SCUBE3: variants seen among roughly 807,000 people sequenced by gnomAD.
SCUBE3 encodes signal peptide, CUB domain and EGF like domain containing 3, also known as signal peptide, CUB and EGF-like domain-containing protein 3.
A neutral mutation model predicts 116.8 loss-of-function variants in SCUBE3; 33 were observed. The observed-to-expected ratio is 0.28, with a 90% CI of 0.21 to 0.38. The LOEUF is 0.38. Among genes scored for constraint, SCUBE3 ranks in the 10% least tolerant of loss-of-function variants. The pLI, the probability that SCUBE3 is intolerant of heterozygous loss-of-function variation, is 1.00. For missense variants in SCUBE3, 1,007 were observed against 1,324.8 expected, an observed-to-expected ratio of 0.76 and a Z score of 3.72; for synonymous variants, 418 against 496.9, an observed-to-expected ratio of 0.84 and a Z score of 2.11.
At position 35,240,017 on chromosome 6, in the gene SCUBE3, A is replaced by G. The variant is rs2150308548; in HGVS notation, c.952+143A>G. On this transcript the variant is annotated intron_variant, in intron 8 of 21. Coordinates refer to ENST00000274938, the MANE Select transcript of SCUBE3 (RefSeq NM_152753.4). The surrounding 1 kb of genome is among the most constrained non-coding windows in gnomAD (Gnocchi z 4.6). ...GCAGTGTCATCCTGCAAATTAGCAA[A>G]TGGTACTCTTTCCCCTCAGCGGACT... is the stretch of plus-strand genomic sequence containing the variant. The G allele has an allele frequency of 1.4e-6, 1 of 697,158 alleles. No individual in the cohort carries two copies. Among genetic ancestry groups the G allele is most frequent in the Non-Finnish European group, 2.3e-6 (1 of 441,646 alleles). 43.2% of individuals were successfully genotyped at this position (697,158 alleles called of 1,614,324 possible). A position where few individuals can be genotyped will look rare whatever the true frequency, so the allele number is the denominator to read the frequency against.
At chr6:35,229,576 G>A (rs905980040) in intron 3 of SCUBE3, among the ~76,000 whole-genome samples, 2 of 152,132 alleles carry the variant, frequency 1.3e-5, no homozygotes, top group African/African-American at 4.8e-5. Context: ...GCCCCAGGAA[G>A]CCTCTGACCC....
rs984507010 is a variant in SCUBE3, at chr6:35,250,262, A to G, written c.*1557A>G. 6.6e-6 allele frequency: 1 copy of G among 152,288 alleles called. No homozygotes were observed. Among genetic ancestry groups the G allele is most frequent in the Non-Finnish European group, 1.5e-5 (1 of 68,054 alleles). 9.4% of individuals were successfully genotyped at this position (152,288 alleles called of 1,614,324 possible). On this transcript the variant is annotated 3_prime_UTR_variant, in exon 22 of 22. Coordinates refer to ENST00000274938, the MANE Select transcript of SCUBE3 (RefSeq NM_152753.4). ...TGGAGTCAGTGTGGACCTCATGATTATAGAGGCCAATGGAACTGGTCAGTG... is the reference window on the plus strand; with the variant it reads ...TGGAGTCAGTGTGGACCTCATGATTGTAGAGGCCAATGGAACTGGTCAGTG...
At position 35,250,541 on chromosome 6, in the gene SCUBE3, A is replaced by G. The variant is rs1233461974; in HGVS notation, c.*1836A>G. 6.6e-6 allele frequency: 1 copy of G among 152,224 alleles called. No individual in the cohort carries two copies. The highest frequency in any genetic ancestry group is 1.5e-5 in the Non-Finnish European group (1 of 68,050). The allele number at this position is 152,224 out of a possible 1,614,324, so 9.4% of individuals were successfully genotyped here. A position where few individuals can be genotyped will look rare whatever the true frequency, so the allele number is the denominator to read the frequency against. ...AACTACTGTTTTTCAGAAGGAAGAA[A>G]GAATCAAATGGAAGAAGAATCAAGT... On this transcript the variant is annotated 3_prime_UTR_variant, in exon 22 of 22. Transcript: ENST00000274938.
chr6:35,250,243 C>T lies in SCUBE3; in HGVS notation c.*1538C>T, dbSNP rs1489053951. The T allele has an allele frequency of 1.3e-5, 2 of 152,294 alleles. No individual in the cohort carries two copies. The highest frequency in any genetic ancestry group is 4.8e-5 in the African/African-American group (2 of 41,426). 9.4% of individuals were successfully genotyped at this position (152,294 alleles called of 1,614,324 possible). ...CTATCCCTATGCCTCTCCATGGAGT[C>T]AGTGTGGACCTCATGATTATAGAGG... On this transcript the variant is annotated 3_prime_UTR_variant, in exon 22 of 22. Coordinates refer to ENST00000274938, the MANE Select transcript of SCUBE3 (RefSeq NM_152753.4).
intron 21 of SCUBE3, 33 bp from the exon 22 acceptor site, chr6:35,248,523 G>A: frequency 6.2e-7 from 1 of 1,611,838 alleles, no homozygotes; most frequent in East Asian, 2.2e-5. Flanking sequence ...CCCCGACGGT[G>A]AGGCTGACAT....
chr6:35,226,626 G>A (rs1407948977), intron 1 of SCUBE3, among the ~76,000 whole-genome samples: 1 of 151,722 alleles, frequency 6.6e-6, no homozygotes, highest in South Asian at 2.1e-4. Context: ...GGGATTACAG[G>A]CACACATCAC....
intron 1 of SCUBE3, chr6:35,221,422 G>A (rs768050382): frequency 3.3e-5 from 5 of 152,218 alleles, no homozygotes; most frequent in African/African-American, 9.6e-5. Context: ...GTGGGATCAC[G>A]GAGAGTAAAG....
rs1486348132 is a variant in SCUBE3, at chr6:35,232,324, T to G, written c.469+465T>G. ...GCAGGGACTATGTCTAACTCATTGT[T>G]GTATCCCCAGCACCTAACATACTGC... On this transcript the variant is annotated intron_variant, in intron 4 of 21. Transcript: ENST00000274938. This position sits in a 1 kb window ranked among gnomAD's most constrained non-coding sequence, Gnocchi z 4.2. 6.6e-6 allele frequency among the ~76,000 whole-genome samples: 1 copy of G among 152,218 alleles called. No individual in the cohort carries two copies. Among genetic ancestry groups the G allele is most frequent in the East Asian group, 1.9e-4 (1 of 5,198 alleles).
In SCUBE3 at chr6:35,233,082, G is replaced by GT; in HGVS notation, c.596-102dup. 1 of 1,511,534 alleles carries GT rather than the reference G, an allele frequency of 6.6e-7. No individual in the cohort carries two copies. The highest frequency in any genetic ancestry group is 9.1e-7 in the Non-Finnish European group (1 of 1,095,014). 93.6% of individuals were successfully genotyped at this position (1,511,534 alleles called of 1,614,324 possible). ...AGGACAGGGCTGGGAGGAAAAGGGA[G>GT]TATGGGGGAGGCAACTAGGCAAGGG... On this transcript the variant is annotated intron_variant, in intron 5 of 21. Transcript: ENST00000274938. The surrounding 1 kb of genome is among the most constrained non-coding windows in gnomAD (Gnocchi z 5.7).
At position 35,249,666 on chromosome 6, in the gene SCUBE3, TAAAC is replaced by T. The variant is rs1374218560; in HGVS notation, c.*963_*966del. ...TACTCCCCTTGCTACATGTTGTCCTTAAACATGGTTATTGACCTGAAGCCAGCCT... is the reference window on the plus strand; with the variant it reads ...TACTCCCCTTGCTACATGTTGTCCTTATGGTTATTGACCTGAAGCCAGCCT... On this transcript the variant is annotated 3_prime_UTR_variant, in exon 22 of 22. Coordinates refer to ENST00000274938, the MANE Select transcript of SCUBE3 (RefSeq NM_152753.4). 6.6e-6 allele frequency: 1 copy of T among 152,632 alleles called. No homozygotes were observed. Among genetic ancestry groups the T allele is most frequent in the Non-Finnish European group, 1.5e-5 (1 of 68,062 alleles). 9.5% of individuals were successfully genotyped at this position (152,632 alleles called of 1,614,324 possible).
At position 35,227,565 on chromosome 6, in the gene SCUBE3, C is replaced by G; in HGVS notation, c.86-15C>G. 6.2e-7 allele frequency: 1 copy of G among 1,614,128 alleles called. No homozygotes were observed. The highest frequency in any genetic ancestry group is 8.5e-7 in the Non-Finnish European group (1 of 1,179,992). ...GCCAACAGAGGTTCTCATGTGCCCC[C>G]TCTGCCCCTGCCAGATGTGGATGAG... On this transcript the variant is annotated splice_polypyrimidine_tract_variant and intron_variant, in intron 1 of 21. Transcript: ENST00000274938.
In SCUBE3 at chr6:35,228,813, C is replaced by T; in HGVS notation, c.334+74C>T. On this transcript the variant is annotated intron_variant, in intron 3 of 21. Coordinates refer to ENST00000274938, the MANE Select transcript of SCUBE3 (RefSeq NM_152753.4). This position sits in a 1 kb window ranked among gnomAD's most constrained non-coding sequence, Gnocchi z 4.9. The stretch of plus-strand genomic sequence containing the variant: ...AGATCTTTTCAGCATTTCCTATTTC[C>T]CAGGGAAGGAGGAGAGAGTGATCAA... 1 of 1,496,550 alleles carries T rather than the reference C, an allele frequency of 6.7e-7. No homozygotes were observed. Among genetic ancestry groups the T allele is most frequent in the South Asian group, 1.2e-5 (1 of 86,740 alleles). 92.7% of individuals were successfully genotyped at this position (1,496,550 alleles called of 1,614,324 possible).
Position 35,244,213 on chromosome 6 carries a change from T to G in SCUBE3, c.2239+83T>G, listed in dbSNP as rs58925593. ...CTCTCCAATTTCCCAGAGGGGACAC[T>G]GACCCACCATTTTCTCCAAACCAGT... is the stretch of plus-strand genomic sequence containing the variant. On this transcript the variant is annotated intron_variant, in intron 17 of 21. Transcript: ENST00000274938. This position sits in a 1 kb window ranked among gnomAD's most constrained non-coding sequence, Gnocchi z 4.3. 0.036 allele frequency: 44,723 copies of G among 1,240,074 alleles called. 2,918 individuals are homozygous for G. Among genetic ancestry groups the G allele is most frequent in the East Asian group, 0.32 (12,669 of 39,616 alleles). 76.8% of individuals were successfully genotyped at this position (1,240,074 alleles called of 1,614,324 possible).
Position 35,244,795 on chromosome 6 carries a change from T to C in SCUBE3, c.2385T>C (p.Ser795=), listed in dbSNP as rs147085138. 3.9e-5 allele frequency: 63 copies of C among 1,614,120 alleles called. No homozygotes were observed. The highest frequency in any genetic ancestry group is 3.9e-4 in the African/African-American group (29 of 75,010). The part of the protein sequence containing the change: ...NTSTDFDGST[S]VAQCKNRQCG... ...GCACAGACTTTGATGGCTCTACCAG[T>C]GTGGCCCAATGCAAGAGTACGTGGC... is the stretch of plus-strand genomic sequence containing the variant. The change falls in exon 18 of 22, where the codon AGT becomes AGC. Residue 795 remains serine (S), a synonymous_variant. Transcript: ENST00000274938. The surrounding 1 kb of genome is among the most constrained non-coding windows in gnomAD (Gnocchi z 4.3).
rs1454201929 is a variant in SCUBE3, at chr6:35,250,723, T to A, written c.*2018T>A. The A allele has an allele frequency of 1.3e-5, 1 of 74,416 alleles. No individual in the cohort carries two copies. Among genetic ancestry groups the A allele is most frequent in the African/African-American group, 2.8e-5 (1 of 35,288 alleles). The allele number at this position is 74,416 out of a possible 1,614,324, so 4.6% of individuals were successfully genotyped here. ...CCTCAGGTTCATTTCTTTTTTTTTTTTTTTTCTTTTTAACTCTCCTGGTAA... is the reference window on the plus strand; with the variant it reads ...CCTCAGGTTCATTTCTTTTTTTTTTATTTTTCTTTTTAACTCTCCTGGTAA... On this transcript the variant is annotated 3_prime_UTR_variant, in exon 22 of 22. Coordinates refer to ENST00000274938, the MANE Select transcript of SCUBE3 (RefSeq NM_152753.4).
At chr6:35,237,196 A>G (rs1227522757) in intron 6 of SCUBE3, among the ~76,000 whole-genome samples, 1 of 152,044 alleles carries the variant, frequency 6.6e-6, no homozygotes, top group Non-Finnish European at 1.5e-5. Flanking sequence ...CCTATACAAC[A>G]TCTCCCCATT....
At chr6:35,224,652 A>C (rs1783253617) in intron 1 of SCUBE3, 1 of 152,116 alleles carries the variant, frequency 6.6e-6, no homozygotes, top group Non-Finnish European at 1.5e-5. Context: ...AAAAAAAAAA[A>C]AAAAGAATCT....
At position 35,239,822 on chromosome 6, in the gene SCUBE3, A is replaced by C; in HGVS notation, c.900A>C (p.Glu300Asp). 1 of 1,611,190 alleles carries C rather than the reference A, an allele frequency of 6.2e-7. No homozygotes were observed. The highest frequency in any genetic ancestry group is 1.1e-5 in the South Asian group (1 of 90,456). The change falls in exon 8 of 22, where the codon GAA becomes GAC. Residue 300 changes from glutamate to aspartate, a missense_variant. By Grantham distance (45) the Glu-to-Asp change is conservative (BLOSUM62 2). Coordinates refer to ENST00000274938, the MANE Select transcript of SCUBE3 (RefSeq NM_152753.4). The surrounding 1 kb of genome is among the most constrained non-coding windows in gnomAD (Gnocchi z 4.1). ...GCCGCAACACAGTGGGCAGCTTCGA[A>C]TGCAGTTGCAAGAAAGGCTATAAGC... is the stretch of plus-strand genomic sequence containing the variant. ...HICRNTVGSF[E>D]CSCKKGYKLL...
intron 6 of SCUBE3, among the ~76,000 whole-genome samples, chr6:35,236,564 C>A (rs1156479487): frequency 1.3e-5 from 2 of 152,198 alleles, no homozygotes; most frequent in African/African-American, 4.8e-5. Context: ...CAGACGATAT[C>A]CCACTCCAGG....
Sources: allele counts gnomAD v4.1 joint callset (sites outside exome capture counted in the v4.1 genomes callset), GRCh38; gene constraint gnomAD v4.1.1; non-coding constraint Gnocchi (gnomAD v3.1); transcripts MANE v1.5; gene names NCBI Gene and HGNC (gene_info 2026-07-23, HGNC 2026-07-21).